Variants in GPR143 observed in about 807,000 individuals in gnomAD.
GPR143 encodes the protein G-protein coupled receptor 143.
Under a neutral mutation model 27.6 loss-of-function variants are expected in GPR143, and 8 were observed. The ratio of observed to expected loss-of-function variants is 0.29; its 90% CI spans 0.17 to 0.52. The LOEUF is 0.52. Among genes scored for constraint, GPR143 ranks in the 20% least tolerant of loss-of-function variants. The probability of loss-of-function intolerance (pLI) is 0.96; values close to 1 mark genes in which losing one functional copy is unlikely to be tolerated. For missense variants in GPR143, 303 were observed against 343.1 expected, an observed-to-expected ratio of 0.88 and a Z score of 0.92; for synonymous variants, 156 against 153.2, an observed-to-expected ratio of 1.02 and a Z score of -0.13.
chrX:9,767,461 G>A (rs1204333320), upstream of GPR143, among the ~76,000 whole-genome samples: 3 of 111,144 alleles, frequency 2.7e-5, no homozygotes, highest in Non-Finnish European at 5.7e-5. Flanking sequence ...TTTAAGGAAG[G>A]CATGATCTGT....
At chrX:9,746,362 G>A (rs941596933) in intron 4 of GPR143, among the ~76,000 whole-genome samples, 9 of 111,258 alleles carry the variant, frequency 8.1e-5, no homozygotes, top group African/African-American at 2.9e-4. Flanking sequence ...CCATGTTTCT[G>A]TCTCAGAAAT....
At position 9,725,641 on chromosome X, in the gene GPR143, G is replaced by A. The variant is rs931184185; in HGVS notation, c.*105C>T. Reference sequence around the variant, plus strand: ...GTGATGAGAGCAAGGTTTGGGGGCCGCTACACTTCGGCAGTGCAGTGTTGG... The same window carrying A: ...GTGATGAGAGCAAGGTTTGGGGGCCACTACACTTCGGCAGTGCAGTGTTGG... On this transcript the variant is annotated 3_prime_UTR_variant, in exon 9 of 9. Transcript: ENST00000467482. 38 of 617,835 alleles carry A rather than the reference G, an allele frequency of 6.2e-5. No individual in the cohort carries two copies. Among genetic ancestry groups the A allele is most frequent in the South Asian group, 5.7e-4 (23 of 40,662 alleles). 50.9% of individuals were successfully genotyped at this position (617,835 alleles called of 1,213,427 possible).
At chrX:9,765,426 G>C (rs2083526146) in intron 1 of GPR143, 142 bp downstream of exon 1, 1 of 611,387 alleles carries the variant, frequency 1.6e-6, no homozygotes, top group African/African-American at 2.4e-5. Flanking sequence ...CGGGCCTCTC[G>C]TCCTCACTCC....
chrX:9,753,984 C>T (rs923074122), intron 3 of GPR143, among the ~76,000 whole-genome samples: 5 of 111,728 alleles, frequency 4.5e-5, no homozygotes, highest in Non-Finnish European at 9.4e-5. Flanking sequence ...CCGCAGCCTT[C>T]CAGATGCCGC....
chrX:9,763,263 G>C (rs1454403866), intron 1 of GPR143, among the ~76,000 whole-genome samples: 1 of 110,834 alleles, frequency 9.0e-6, no homozygotes, highest in Admixed American at 9.6e-5. Context: ...AGGATCGCTT[G>C]AGCCTAGAAG....
chrX:9,759,436 G>C lies in GPR143; in HGVS notation c.361-10C>G. 1.8e-6 allele frequency: 2 copies of C among 1,125,151 alleles called. No homozygotes were observed. Among genetic ancestry groups the C allele is most frequent in the South Asian group, 1.9e-5 (1 of 52,638 alleles). 92.7% of individuals were successfully genotyped at this position (1,125,151 alleles called of 1,213,427 possible). A position where few individuals can be genotyped will look rare whatever the true frequency, so the allele number is the denominator to read the frequency against. On this transcript the variant is annotated splice_polypyrimidine_tract_variant and intron_variant, in intron 2 of 8. Coordinates refer to ENST00000467482, the MANE Select transcript of GPR143 (RefSeq NM_000273.3). Reference sequence around the variant, plus strand: ...ACAGCTGGATCCACATCTGCAATCGGGAAGAGCCTGCATCAAAATGTCTGG... The same window carrying C: ...ACAGCTGGATCCACATCTGCAATCGCGAAGAGCCTGCATCAAAATGTCTGG...
chrX:9,762,109 G>C (rs1340306202), intron 1 of GPR143, among the ~76,000 whole-genome samples: 1 of 108,774 alleles, frequency 9.2e-6, no homozygotes, highest in African/African-American at 3.4e-5. Flanking sequence ...AAAGTAAAGA[G>C]CCTGGCATGG....
intron 1 of GPR143, among the ~76,000 whole-genome samples, chrX:9,764,692 A>G (rs1258634919): frequency 2.7e-5 from 3 of 111,338 alleles, no homozygotes; most frequent in Non-Finnish European, 5.6e-5. Context: ...TTAAAACCCA[A>G]CGTCCCTTGG....
rs768055272 is a variant in GPR143, at chrX:9,765,773, G to A, written c.45C>T (p.Asp15=). 2.7e-6 allele frequency: 3 copies of A among 1,123,339 alleles called. No homozygotes were observed. Among genetic ancestry groups the A allele is most frequent in the Non-Finnish European group, 3.5e-6 (3 of 855,644 alleles). 92.6% of individuals were successfully genotyped at this position (1,123,339 alleles called of 1,213,427 possible). The change falls in exon 1 of 9, where the codon GAC becomes GAT. Residue 15 remains aspartate, a synonymous_variant. Coordinates refer to ENST00000467482, the MANE Select transcript of GPR143 (RefSeq NM_000273.3). Reference sequence around the variant, plus strand: ...AGCTCAGCACGAGCTGCGTGGCTGCGTCCCGCGTGGGGCAGCAGAAGGTCC... The same window carrying A: ...AGCTCAGCACGAGCTGCGTGGCTGCATCCCGCGTGGGGCAGCAGAAGGTCC... ...RLGTFCCPTR[D]AATQLVLSFQ...
At chrX:9,754,273 G>A (rs1457852686) in intron 3 of GPR143, among the ~76,000 whole-genome samples, 2 of 111,842 alleles carry the variant, frequency 1.8e-5, no homozygotes, top group African/African-American at 6.5e-5. Flanking sequence ...AAAGAGCTTC[G>A]GGAGGAAAAG....
intron 3 of GPR143, among the ~76,000 whole-genome samples, chrX:9,749,354 C>G (rs960442687): frequency 6.4e-5 from 7 of 109,825 alleles, no homozygotes; most frequent in African/African-American, 2.0e-4. Flanking sequence ...AACTGTGAGT[C>G]AATTAAACCT....
At chrX:9,725,879 C>G in intron 8 of GPR143, 39 bp from the exon 9 acceptor site, 1 of 1,182,839 alleles carries the variant, frequency 8.5e-7, no homozygotes, top group Non-Finnish European at 1.1e-6. Context: ...GTGTCTGTGT[C>G]CTAGCAGGTT....
intron 1 of GPR143, among the ~76,000 whole-genome samples, chrX:9,772,805 T>C (rs1601894837): frequency 1.5e-5 from 1 of 67,761 alleles, no homozygotes; most frequent in African/African-American, 6.4e-5. Context: ...CAGAGCAAGA[T>C]CCTGTCTCAA....
At chrX:9,742,624 G>T (rs1283793652) in intron 6 of GPR143, among the ~76,000 whole-genome samples, 1 of 112,021 alleles carries the variant, frequency 8.9e-6, no homozygotes, top group African/African-American at 3.2e-5. Context: ...TTTATTTTTT[G>T]CATTGGTTAC....
intron 8 of GPR143, among the ~76,000 whole-genome samples, chrX:9,734,068 G>A (rs75219777): frequency 0.087 from 6,210 of 71,410 alleles, 235 homozygotes; most frequent in Middle Eastern, 0.16. Flanking sequence ...CAACAACAGC[G>A]AAACTCTGTC....
chrX:9,731,495 T>C (rs947750251), intron 8 of GPR143, among the ~76,000 whole-genome samples: 1 of 110,698 alleles, frequency 9.0e-6, no homozygotes, highest in South Asian at 3.8e-4. Flanking sequence ...CCAAGAATTA[T>C]GGGAAAGGAC....
intron 8 of GPR143, among the ~76,000 whole-genome samples, chrX:9,728,353 A>G (rs1401526630): frequency 2.8e-5 from 3 of 108,511 alleles, no homozygotes; most frequent in African/African-American, 6.8e-5. Flanking sequence ...AACAAGCACA[A>G]TTTTAAAAGA....
chrX:9,773,168 T>C (rs1306172544), intron 1 of GPR143, among the ~76,000 whole-genome samples: 1 of 112,042 alleles, frequency 8.9e-6, no homozygotes, highest in African/African-American at 3.2e-5. Flanking sequence ...CTACACGCCT[T>C]CATGGTGAGA....
intron 8 of GPR143, among the ~76,000 whole-genome samples, chrX:9,729,130 C>G (rs1475434853): frequency 1.8e-5 from 2 of 111,082 alleles, no homozygotes; most frequent in African/African-American, 6.6e-5. Context: ...TGTGGTGAAT[C>G]TGCTTTTTCT....
Sources: allele counts gnomAD v4.1 joint callset (sites outside exome capture counted in the v4.1 genomes callset), GRCh38; gene constraint gnomAD v4.1.1; transcripts MANE v1.5; gene names NCBI Gene and HGNC (gene_info 2026-07-23, HGNC 2026-07-21).